The following NR3C1 variants were observed in gnomAD, a reference collection of about 807,000 sequenced individuals.
The protein encoded by NR3C1 is nuclear receptor subfamily 3 group C member 1.
Under a neutral mutation model 74.0 loss-of-function variants are expected in NR3C1, and 14 were observed. That is an observed-to-expected ratio of 0.19 (90% confidence interval 0.12 to 0.30). The LOEUF (loss-of-function observed/expected upper bound fraction) is 0.30. Ranked by LOEUF, NR3C1 falls within the 10% of genes least tolerant of loss-of-function variation. The pLI is 1.00. For missense variants in NR3C1, 695 were observed against 909.8 expected, an observed-to-expected ratio of 0.76 and a Z score of 3.04; for synonymous variants, 308 against 332.5, an observed-to-expected ratio of 0.93 and a Z score of 0.80.
At chr5:143,335,649 C>A (rs1187400533) in intron 2 of NR3C1, among the ~76,000 whole-genome samples, 1 of 152,120 alleles carries the variant, frequency 6.6e-6, no homozygotes, top group Non-Finnish European at 1.5e-5. Flanking sequence ...TTGCACCTTG[C>A]TTTTTATGTG....
In NR3C1 at chr5:143,400,640, T is replaced by G; in HGVS notation, c.200A>C (p.Lys67Thr). ...KQRRLLVDFP[K>T]GSVSNAQQPD... ...CTGCTGCGCATTGCTTACTGAGCCTTTTGGAAAATCAACCAAAAGTCTTCG... is the reference window on the plus strand; with the variant it reads ...CTGCTGCGCATTGCTTACTGAGCCTGTTGGAAAATCAACCAAAAGTCTTCG... Residue 67 changes from lysine (K) to threonine (T), a missense_variant, in exon 2 of 9, where the codon AAA becomes ACA. Transcript: ENST00000394464. 1 of 1,614,052 alleles carries G rather than the reference T, an allele frequency of 6.2e-7. No homozygotes were observed. The highest frequency in any genetic ancestry group is 1.3e-5 in the African/African-American group (1 of 75,048).
intron 2 of NR3C1, among the ~76,000 whole-genome samples, chr5:143,382,691 C>G (rs1836465421): frequency 6.6e-6 from 1 of 152,200 alleles, no homozygotes; most frequent in Non-Finnish European, 1.5e-5. Context: ...CAATACTGGA[C>G]CTAGTTTCCT....
intron 2 of NR3C1, among the ~76,000 whole-genome samples, chr5:143,322,885 G>A (rs965920105): frequency 6.6e-6 from 1 of 152,050 alleles, no homozygotes; most frequent in African/African-American, 2.4e-5. Context: ...TTGCTATCTG[G>A]ATTTCCCTCA....
chr5:143,323,779 T>TG (rs1473999617), intron 2 of NR3C1, among the ~76,000 whole-genome samples: 4 of 150,998 alleles, frequency 2.6e-5, no homozygotes, highest in African/African-American at 7.3e-5. Context: ...GCCGGAGGGA[T>TG]GGGGGGCAGG....
intron 4 of NR3C1, among the ~76,000 whole-genome samples, chr5:143,304,489 G>A (rs1331253774): frequency 6.6e-6 from 1 of 152,096 alleles, no homozygotes. Flanking sequence ...ACTACCCAAA[G>A]CAATTTATAG....
intron 2 of NR3C1, among the ~76,000 whole-genome samples, chr5:143,359,561 C>T (rs78520242): frequency 6.6e-6 from 1 of 152,174 alleles, no homozygotes; most frequent in Non-Finnish European, 1.5e-5. Flanking sequence ...TATGGTATAG[C>T]GTCAAGGCTG....
At chr5:143,294,970 T>C (rs1400866273) in intron 7 of NR3C1, 9 of 985,308 alleles carry the variant, frequency 9.1e-6, no homozygotes, top group Non-Finnish European at 1.1e-5. Flanking sequence ...TTCTAGATAA[T>C]GAATCTCTGA....
intron 2 of NR3C1, among the ~76,000 whole-genome samples, chr5:143,373,012 T>G (rs1363582408): frequency 6.6e-6 from 1 of 152,152 alleles, no homozygotes; most frequent in East Asian, 1.9e-4. Flanking sequence ...CTTCTAAATA[T>G]TTTTTATAAA....
At chr5:143,306,005 T>C (rs1222985210) in intron 4 of NR3C1, among the ~76,000 whole-genome samples, 2 of 152,192 alleles carry the variant, frequency 1.3e-5, no homozygotes, top group African/African-American at 2.4e-5. Flanking sequence ...TTTGACTGTT[T>C]ATACTAAAAA....
At chr5:143,286,303 A>T (rs370915772) in intron 7 of NR3C1, among the ~76,000 whole-genome samples, 3 of 152,196 alleles carry the variant, frequency 2.0e-5, no homozygotes, top group Non-Finnish European at 4.4e-5. Context: ...CCATATTATC[A>T]TAACACCAAA....
rs1839971148 is a variant in NR3C1 at position 143,400,060 on chromosome 5, A to G, written c.780T>C (p.Asn260=). ...TGGGGCTTGACAAAACCAGATCTCC[A>G]TTATCCTTAATTTTGGGTTTAGTGT... ...LPDTKPKIKD[N]GDLVLSSPSN... The change falls in exon 2 of 9, where the codon AAT becomes AAC. Residue 260 remains asparagine, a synonymous_variant. Transcript: ENST00000394464. 2 of 1,614,150 alleles carry G rather than the reference A, an allele frequency of 1.2e-6. No homozygotes were observed. Among genetic ancestry groups the G allele is most frequent in the Non-Finnish European group, 1.7e-6 (2 of 1,180,026 alleles).
intron 2 of NR3C1, among the ~76,000 whole-genome samples, chr5:143,348,745 G>T (rs1392432948): frequency 6.6e-6 from 1 of 152,088 alleles, no homozygotes; most frequent in Non-Finnish European, 1.5e-5. Context: ...GATTTATAGT[G>T]CTGTTAGCCA....
chr5:143,433,950 T>A (rs1751996071), intron 1 of NR3C1: 1 of 152,536 alleles, frequency 6.6e-6, no homozygotes, highest in Non-Finnish European at 1.5e-5. Flanking sequence ...CAGTTCTCTT[T>A]GCTCCAGTCA....
chr5:143,363,406 C>T (rs1832627282), intron 2 of NR3C1, among the ~76,000 whole-genome samples: 1 of 151,898 alleles, frequency 6.6e-6, no homozygotes, highest in South Asian at 2.1e-4. Flanking sequence ...ACGAAGTACA[C>T]AGGAAAAGAA....
chr5:143,371,806 C>T lies in NR3C1; in HGVS notation c.1184+27850G>A, dbSNP rs559315722. On this transcript the variant is annotated intron_variant, in intron 2 of 8. Coordinates refer to ENST00000394464, the MANE Select transcript of NR3C1 (RefSeq NM_000176.3). ...CTGTGTGACTATAATTTATCATTATCTATGCCACTATTGCTAAGGTAAAAT... is the reference window on the plus strand; with the variant it reads ...CTGTGTGACTATAATTTATCATTATTTATGCCACTATTGCTAAGGTAAAAT... Among the ~76,000 whole-genome samples the T allele has an allele frequency of 3.9e-5, 6 of 152,332 alleles. No homozygotes were observed. The South Asian group carries it at 1.2e-3, about 32-fold the overall frequency.
Position 143,379,205 on chromosome 5 carries a change from T to C in NR3C1, c.1184+20451A>G, listed in dbSNP as rs544480046. On this transcript the variant is annotated intron_variant, in intron 2 of 8. Coordinates refer to ENST00000394464, the MANE Select transcript of NR3C1 (RefSeq NM_000176.3). ...ACTGAGTCTTACACCTTGAATGGAG[T>C]GTGGGAGCCAGGTTTGCAATAATAA... Among the ~76,000 whole-genome samples, 4 of 152,294 alleles carry C rather than the reference T, an allele frequency of 2.6e-5. No homozygotes were observed. In the South Asian group the frequency reaches 8.3e-4, roughly 32 times the overall value.
chr5:143,392,759 T>TGAATAGAGAA (rs1378188906), intron 2 of NR3C1, among the ~76,000 whole-genome samples: 1 of 152,070 alleles, frequency 6.6e-6, no homozygotes, highest in African/African-American at 2.4e-5. Context: ...ATTAACAAAA[T>TGAATAGAGAA]GAATAGAGAA....
At chr5:143,406,505 G>A (rs1399615091), upstream of NR3C1, among the ~76,000 whole-genome samples, 1 of 151,190 alleles carries the variant, frequency 6.6e-6, no homozygotes, top group Non-Finnish European at 1.5e-5. Context: ...TCATTCTTTA[G>A]TCTTTCACAT....
At chr5:143,362,360 GTTT>G (rs1234339107) in intron 2 of NR3C1, among the ~76,000 whole-genome samples, 1 of 138,788 alleles carries the variant, frequency 7.2e-6, no homozygotes, top group Non-Finnish European at 1.6e-5. Flanking sequence ...ATGAAGACTT[GTTT>G]TTTTTTTTTT....
Sources: gnomAD v4.1 joint callset for allele counts (sites outside exome capture counted in the v4.1 genomes callset) on GRCh38, gnomAD v4.1.1 for gene constraint, MANE v1.5 for transcripts, NCBI Gene and HGNC (gene_info 2026-07-23, HGNC 2026-07-21) for gene names.